The following UNC5C variants were observed in gnomAD, a reference collection of about 807,000 sequenced individuals.
The protein encoded by UNC5C is unc-5 netrin receptor C.
In UNC5C, 47 loss-of-function variants were observed where a neutral mutation model predicts 99.8. That is an observed-to-expected ratio of 0.47 (90% CI 0.37 to 0.60). UNC5C has a LOEUF of 0.60. UNC5C is among the 20% of genes least tolerant of loss of function. UNC5C has a pLI of 0.00. For missense variants in UNC5C, 1,062 were observed against 1,165.9 expected (o/e 0.91, Z 1.30); for synonymous variants, 487 against 452.2 (o/e 1.08, Z -0.98).
intron 10 of UNC5C, among the ~76,000 whole-genome samples, chr4:95,212,334 C>T (rs896294253): frequency 6.6e-6 from 1 of 152,174 alleles, no homozygotes; most frequent in East Asian, 1.9e-4. Context: ...AATGACACCT[C>T]GTGTTGAGGC....
intron 2 of UNC5C, among the ~76,000 whole-genome samples, chr4:95,323,676 G>A (rs1451412715): frequency 2.0e-5 from 3 of 152,156 alleles, no homozygotes; most frequent in Non-Finnish European, 4.4e-5. Context: ...ATCTCCTGGT[G>A]TGACATTAAG....
chr4:95,476,967 A>G (rs1361298732), intron 1 of UNC5C, among the ~76,000 whole-genome samples: 1 of 152,074 alleles, frequency 6.6e-6, no homozygotes, highest in African/African-American at 2.4e-5. Flanking sequence ...ATTCATTTGG[A>G]CATATCCAGA....
chr4:95,378,118 T>C (rs1031030659), intron 1 of UNC5C, among the ~76,000 whole-genome samples: 3 of 152,194 alleles, frequency 2.0e-5, no homozygotes, highest in African/African-American at 7.2e-5. Flanking sequence ...CAGTAGTTTA[T>C]ATATAGAGAG....
intron 1 of UNC5C, among the ~76,000 whole-genome samples, chr4:95,482,177 A>T (rs1319164041): frequency 6.6e-6 from 1 of 151,686 alleles, no homozygotes; most frequent in Middle Eastern, 3.4e-3. Flanking sequence ...AAACAAACAA[A>T]CCCATCAAAA....
In UNC5C at chr4:95,345,054, A is replaced by C. The variant is rs551874716; in HGVS notation, c.125-9423T>G. Among the ~76,000 whole-genome samples the C allele has an allele frequency of 7.9e-5, 12 of 152,054 alleles. No homozygotes were observed. In the East Asian group the frequency reaches 2.3e-3, roughly 29 times the overall value. ...CCAATCAAAAGACACAGAGTAACTG[A>C]ATGGATTATAAAACAAAACAAAAAA... is the stretch of plus-strand genomic sequence containing the variant. On this transcript the variant is annotated intron_variant, in intron 1 of 15. Transcript: ENST00000453304.
At chr4:95,344,254 T>C (rs904939383) in intron 1 of UNC5C, among the ~76,000 whole-genome samples, 2 of 151,972 alleles carry the variant, frequency 1.3e-5, no homozygotes, top group South Asian at 4.1e-4. Context: ...GACTTCTCAG[T>C]GGAAACTTTA....
chr4:95,519,408 A>G (rs1722294934), intron 1 of UNC5C, among the ~76,000 whole-genome samples: 1 of 152,158 alleles, frequency 6.6e-6, no homozygotes, highest in Non-Finnish European at 1.5e-5. Context: ...AGAGACCCAT[A>G]GAATGGACCC....
rs534763280 is a variant in UNC5C at position 95,397,116 on chromosome 4, C to G, written c.125-61485G>C. The stretch of plus-strand genomic sequence containing the variant: ...ATTGTCTGGGTGCCAAAGGAAGAGT[C>G]TACAGCAGGGAAATGCAGCCTTTTG... On this transcript the variant is annotated intron_variant, in intron 1 of 15. Transcript: ENST00000453304. 9.9e-5 allele frequency among the ~76,000 whole-genome samples: 15 copies of G among 152,232 alleles called. 1 individual carries two copies. Among genetic ancestry groups the G allele is most frequent in the Admixed American group, 9.2e-4 (14 of 15,288 alleles).
intron 1 of UNC5C, among the ~76,000 whole-genome samples, chr4:95,514,824 C>A (rs1443417731): frequency 6.6e-6 from 1 of 151,784 alleles, no homozygotes; most frequent in Non-Finnish European, 1.5e-5. Context: ...AGGTGGGTGC[C>A]ACCATGCCTG....
chr4:95,192,355 ACT>A (rs1737174265), intron 12 of UNC5C, among the ~76,000 whole-genome samples: 1 of 22,180 alleles, frequency 4.5e-5, no homozygotes, highest in Non-Finnish European at 8.7e-5. Context: ...TCCCCTGCTC[ACT>A]CCTCCCTTGC....
intron 3 of UNC5C, among the ~76,000 whole-genome samples, chr4:95,288,725 C>T (rs968864914): frequency 2.0e-5 from 3 of 152,216 alleles, no homozygotes; most frequent in Non-Finnish European, 4.4e-5. Flanking sequence ...CTTGTGGCTA[C>T]ATCCCTCTAA....
At chr4:95,193,243 G>C (rs979315059) in intron 12 of UNC5C, among the ~76,000 whole-genome samples, 7 of 152,234 alleles carry the variant, frequency 4.6e-5, no homozygotes, top group African/African-American at 1.7e-4. Flanking sequence ...TAGCTACTGA[G>C]GGAAAGTCGC....
intron 2 of UNC5C, among the ~76,000 whole-genome samples, chr4:95,312,924 T>A (rs116259826): frequency 6.6e-6 from 1 of 152,166 alleles, no homozygotes. Context: ...CTCAGTATGG[T>A]TTTGTTTAGC....
chr4:95,460,530 G>A (rs1469075254), intron 1 of UNC5C, among the ~76,000 whole-genome samples: 3 of 152,128 alleles, frequency 2.0e-5, no homozygotes, highest in Non-Finnish European at 2.9e-5. Flanking sequence ...AGTCCCACGA[G>A]ATCTGACGGT....
intron 1 of UNC5C, among the ~76,000 whole-genome samples, chr4:95,475,382 G>T (rs1046061642): frequency 6.6e-6 from 1 of 151,894 alleles, no homozygotes; most frequent in Non-Finnish European, 1.5e-5. Flanking sequence ...AATTTACAAA[G>T]GGAGGGTAAT....
intron 1 of UNC5C, among the ~76,000 whole-genome samples, chr4:95,526,448 T>C (rs1722499746): frequency 6.6e-6 from 1 of 152,056 alleles, no homozygotes; most frequent in Admixed American, 6.6e-5. Context: ...AGATTTACAA[T>C]ACAAAGTGTA....
At chr4:95,175,621 T>C (rs1736308296) in intron 14 of UNC5C, among the ~76,000 whole-genome samples, 1 of 152,212 alleles carries the variant, frequency 6.6e-6, no homozygotes, top group Admixed American at 6.5e-5. Context: ...CAGGTGTTAG[T>C]CTGATGGGCT....
chr4:95,373,789 C>A (rs1314051866), intron 1 of UNC5C, among the ~76,000 whole-genome samples: 2 of 152,134 alleles, frequency 1.3e-5, no homozygotes, highest in Non-Finnish European at 2.9e-5. Flanking sequence ...GGGTGGCGAG[C>A]TTCCATTAAT....
rs1742965139 is a variant in UNC5C, at chr4:95,328,064, T to TA, written c.346+7345_346+7346insT. ...TCTTTTTTTTTTTTTTTTTTTTAAT[T>TA]TTTTTTTTTTTTTATTATACTTTAA... On this transcript the variant is annotated intron_variant, in intron 2 of 15. Coordinates refer to ENST00000453304, the MANE Select transcript of UNC5C (RefSeq NM_003728.4). Among the ~76,000 whole-genome samples, 2 of 36,646 alleles carry TA rather than the reference T, an allele frequency of 5.5e-5. 1 individual carries two copies. The highest frequency in any genetic ancestry group is 1.1e-4 in the Non-Finnish European group (2 of 18,500). 24.0% of individuals were successfully genotyped at this position (36,646 alleles called of 152,430 possible).
Sources: gnomAD v4.1 joint callset for allele counts (sites outside exome capture counted in the v4.1 genomes callset) on GRCh38, gnomAD v4.1.1 for gene constraint, MANE v1.5 for transcripts, NCBI Gene and HGNC (gene_info 2026-07-23, HGNC 2026-07-21) for gene names.